Variants in NPFFR2 observed in about 807,000 individuals in gnomAD.
NPFFR2 encodes neuropeptide FF receptor 2, also known as G-protein coupled receptor 74.
In NPFFR2, 15 loss-of-function variants were observed where a neutral mutation model predicts 13.1. The observed-to-expected ratio is 1.15, with a 90% CI of 0.77 to 1.76. The LOEUF is 1.76. Among genes scored for constraint, NPFFR2 ranks in the 40% most tolerant of loss-of-function variants. NPFFR2 has a pLI of 0.00. For missense variants in NPFFR2, 572 were observed against 503.5 expected (o/e 1.14, Z -1.30); for synonymous variants, 190 against 175.7 (o/e 1.08, Z -0.65).
At chr4:72,138,633 G>A (rs557735571) in intron 3 of NPFFR2, among the ~76,000 whole-genome samples, 1 of 152,204 alleles carries the variant, frequency 6.6e-6, no homozygotes, top group South Asian at 2.1e-4. Context: ...GTGTATATGT[G>A]CCACAATTTT....
rs6446809 is a variant in NPFFR2 at position 72,059,777 on chromosome 4, T to G, written c.-8+27577T>G. ...ACTAAAGGAAGAAAAGAGCATAGCA[T>G]GTTTGCAGACCTACTGGGTCTACTG... is the stretch of plus-strand genomic sequence containing the variant. On this transcript the variant is annotated intron_variant, in intron 1 of 3. Transcript: ENST00000308744. Among the ~76,000 whole-genome samples the G allele has an allele frequency of 5.9e-3, 895 of 152,188 alleles. 8 individuals are homozygous for G. Among genetic ancestry groups the G allele is most frequent in the Middle Eastern group, 0.02 (6 of 294 alleles).
Position 72,032,186 on chromosome 4 carries a change from G to A in NPFFR2, c.-22G>A, listed in dbSNP as rs935588800. On this transcript the variant is annotated 5_prime_UTR_variant, in exon 1 of 4. Transcript: ENST00000308744. ...GGATTCTGGTTCCTGCCGCCGACAG[G>A]GCTCGCCGGGAGAGGTAACAGCATG... The A allele has an allele frequency of 1.9e-6, 3 of 1,609,844 alleles. No homozygotes were observed. Among genetic ancestry groups the A allele is most frequent in the Non-Finnish European group, 1.7e-6 (2 of 1,177,540 alleles).
intron 1 of NPFFR2, among the ~76,000 whole-genome samples, chr4:72,075,602 A>G (rs1378851120): frequency 6.6e-6 from 1 of 152,138 alleles, no homozygotes; most frequent in Non-Finnish European, 1.5e-5. Context: ...ACATATGTGG[A>G]ACATTCTACC....
Position 72,107,948 on chromosome 4 carries a change from TA to T in NPFFR2, c.-7-20632del, listed in dbSNP as rs1410060690. Among the ~76,000 whole-genome samples the T allele has an allele frequency of 2.0e-5, 3 of 152,046 alleles. No individual in the cohort carries two copies. The South Asian group carries it at 6.2e-4, about 32-fold the overall frequency. On this transcript the variant is annotated intron_variant, in intron 1 of 3. Transcript: ENST00000308744. ...ATATATCAAATCTGAATTTCTTTTC[TA>T]AAAACAGAGATCTTACTTATTACCA... is the stretch of plus-strand genomic sequence containing the variant.
chr4:72,075,765 G>T (rs1447311224), intron 1 of NPFFR2, among the ~76,000 whole-genome samples: 1 of 152,064 alleles, frequency 6.6e-6, no homozygotes, highest in Non-Finnish European at 1.5e-5. Context: ...CACAGGCTGG[G>T]AGGAGAAAGG....
At chr4:72,070,809 G>A (rs1280013226) in intron 1 of NPFFR2, among the ~76,000 whole-genome samples, 1 of 152,058 alleles carries the variant, frequency 6.6e-6, no homozygotes, top group Non-Finnish European at 1.5e-5. Flanking sequence ...GTACTAAGGG[G>A]TGGATGCATA....
At chr4:72,115,074 A>G (rs930280518) in intron 1 of NPFFR2, among the ~76,000 whole-genome samples, 13 of 152,190 alleles carry the variant, frequency 8.5e-5, no homozygotes, top group African/African-American at 3.1e-4. Context: ...CATATTGCAC[A>G]TTTGATTATT....
At chr4:72,100,486 G>A (rs1359601401) in intron 1 of NPFFR2, among the ~76,000 whole-genome samples, 1 of 152,058 alleles carries the variant, frequency 6.6e-6, no homozygotes, top group East Asian at 1.9e-4. Context: ...GAATGTAGCT[G>A]TATAAAATTC....
At chr4:72,146,930 T>G in intron 3 of NPFFR2, 48 bp from the exon 4 acceptor site, 2 of 1,311,542 alleles carry the variant, frequency 1.5e-6, no homozygotes, top group Non-Finnish European at 2.2e-6. Flanking sequence ...TATGACTTGG[T>G]CAGAAGTGAT....
intron 1 of NPFFR2, among the ~76,000 whole-genome samples, chr4:72,104,162 G>C (rs557569750): frequency 6.6e-6 from 1 of 151,986 alleles, no homozygotes; most frequent in Non-Finnish European, 1.5e-5. Flanking sequence ...GCCATATTTA[G>C]GTCTTTCGAT....
At chr4:72,052,846 C>G (rs1578424201) in intron 1 of NPFFR2, among the ~76,000 whole-genome samples, 1 of 151,952 alleles carries the variant, frequency 6.6e-6, no homozygotes, top group African/African-American at 2.4e-5. Flanking sequence ...TTTACAATCG[C>G]TTATCTTAAG....
At chr4:72,054,777 A>T (rs1258304791) in intron 1 of NPFFR2, among the ~76,000 whole-genome samples, 1 of 151,926 alleles carries the variant, frequency 6.6e-6, no homozygotes, top group Non-Finnish European at 1.5e-5. Flanking sequence ...AACAATTCTT[A>T]TAACTCAATG....
chr4:72,147,110 A>G lies in NPFFR2; in HGVS notation c.561A>G (p.Glu187=), dbSNP rs1159360241. The G allele has an allele frequency of 1.9e-6, 3 of 1,614,032 alleles. No homozygotes were observed. The highest frequency in any genetic ancestry group is 2.5e-6 in the Non-Finnish European group (3 of 1,180,034). The part of the protein sequence containing the change: ...PSAVMLHVQE[E]KYYRVRLNSQ... ...CAGTAATGTTACATGTGCAAGAAGA[A>G]AAATATTACCGAGTGAGACTCAACT... is the stretch of plus-strand genomic sequence containing the variant. The change falls in exon 4 of 4, where the codon GAA becomes GAG. Residue 187 remains glutamate, a synonymous_variant. Coordinates refer to ENST00000308744, the MANE Select transcript of NPFFR2 (RefSeq NM_004885.3).
chr4:72,091,597 C>G (rs368092307), intron 1 of NPFFR2, among the ~76,000 whole-genome samples: 46 of 152,232 alleles, frequency 3.0e-4, no homozygotes, highest in African/African-American at 1.1e-3. Context: ...TCCATCTCCT[C>G]TAGGTTTTCT....
chr4:72,132,679 ATAG>A (rs1722286919), intron 2 of NPFFR2, among the ~76,000 whole-genome samples: 3 of 152,144 alleles, frequency 2.0e-5, no homozygotes, highest in Admixed American at 2.0e-4. Context: ...TGACTTTTTA[ATAG>A]TAGCCACTCT....
chr4:72,105,852 C>T (rs1294115525), intron 1 of NPFFR2, among the ~76,000 whole-genome samples: 1 of 152,002 alleles, frequency 6.6e-6, no homozygotes, highest in African/African-American at 2.4e-5. Flanking sequence ...GATACTCTTG[C>T]GTTTGGGGTT....
intron 1 of NPFFR2, among the ~76,000 whole-genome samples, chr4:72,073,498 A>T (rs190579999): frequency 1.6e-3 from 250 of 152,162 alleles, no homozygotes; most frequent in African/African-American, 5.6e-3. Context: ...ATACATATGC[A>T]ATTATAAAAG....
At chr4:72,040,927 A>AAAAT (rs370151375) in intron 1 of NPFFR2, among the ~76,000 whole-genome samples, 8 of 146,804 alleles carry the variant, frequency 5.4e-5, no homozygotes, top group African/African-American at 2.0e-4. Context: ...ACTGCTGTAA[A>AAAAT]ATATATATAT....
At chr4:72,034,447 C>T (rs1385109793) in intron 1 of NPFFR2, among the ~76,000 whole-genome samples, 1 of 152,146 alleles carries the variant, frequency 6.6e-6, no homozygotes, top group Non-Finnish European at 1.5e-5. Context: ...CATGAGAACT[C>T]ACTCACTATC....
Sources: gnomAD v4.1 joint callset for allele counts (sites outside exome capture counted in the v4.1 genomes callset) on GRCh38, gnomAD v4.1.1 for gene constraint, MANE v1.5 for transcripts, NCBI Gene and HGNC (gene_info 2026-07-23, HGNC 2026-07-21) for gene names.